The following SHROOM2 variants were observed in gnomAD, a reference collection of about 807,000 sequenced individuals.
SHROOM2 encodes shroom family member 2, also known as protein Shroom2.
Under a neutral mutation model 75.9 loss-of-function variants are expected in SHROOM2, and 33 were observed. The ratio of observed to expected loss-of-function variants is 0.43; its 90% CI spans 0.33 to 0.58. The LOEUF is 0.58. Among genes scored for constraint, SHROOM2 ranks in the 20% least tolerant of loss-of-function variants. The pLI is 0.04. For missense variants in SHROOM2, 1,434 were observed against 1,461.2 expected, an observed-to-expected ratio of 0.98 and a Z score of 0.30; for synonymous variants, 655 against 663.6, an observed-to-expected ratio of 0.99 and a Z score of 0.20.
intron 2 of SHROOM2, chrX:9,874,596 T>A (rs2084187952): frequency 9.0e-6 from 1 of 111,671 alleles, no homozygotes; most frequent in Non-Finnish European, 1.9e-5. Flanking sequence ...ACAAAAATTT[T>A]TTTTTCAAGT....
At chrX:9,878,661 G>C (rs1325409968) in intron 2 of SHROOM2, among the ~76,000 whole-genome samples, 1 of 111,671 alleles carries the variant, frequency 9.0e-6, no homozygotes, top group Non-Finnish European at 1.9e-5. Context: ...CAGATGTTCC[G>C]GGAGCTGCTA....
At position 9,947,042 on chromosome X, in the gene SHROOM2, C is replaced by G; in HGVS notation, c.*105C>G. On this transcript the variant is annotated 3_prime_UTR_variant, in exon 10 of 10. Transcript: ENST00000380913. ...TCTGTGTTCATGGCCTGGAAAGAGA[C>G]TTCTCCCATAGCAAAGAGGCTGTTA... The G allele has an allele frequency of 3.8e-6, 3 of 795,898 alleles. No individual in the cohort carries two copies. Among genetic ancestry groups the G allele is most frequent in the Non-Finnish European group, 5.3e-6 (3 of 566,729 alleles). The allele number at this position is 795,898 out of a possible 1,213,427, so 65.6% of individuals were successfully genotyped here.
At chrX:9,875,853 A>C (rs1161522002) in intron 2 of SHROOM2, among the ~76,000 whole-genome samples, 1 of 112,721 alleles carries the variant, frequency 8.9e-6, no homozygotes, top group Non-Finnish European at 1.9e-5. Context: ...CCATATGTTT[A>C]GAAGCAAGGT....
Position 9,937,636 on chromosome X carries a change from C to T in SHROOM2, c.4090C>T (p.Arg1364Trp), listed in dbSNP as rs1318229593. Residue 1364 changes from arginine (R) to tryptophan (W), a missense_variant, in exon 7 of 10, where the codon CGG becomes TGG. Arg to Trp is a moderately radical substitution (Grantham distance 101). Coordinates refer to ENST00000380913, the MANE Select transcript of SHROOM2 (RefSeq NM_001649.4). ...GCACCTCCTGGAAGAAGCCCAGCAA[C>T]GGAGGAAGCTGCTCCCCAAAATCCC... ...DEHLLEEAQQ[R>W]RKLLPKIPSP... 9.1e-6 allele frequency: 11 copies of T among 1,205,640 alleles called. No individual in the cohort carries two copies. Among genetic ancestry groups the T allele is most frequent in the East Asian group, 5.9e-5 (2 of 33,662 alleles).
rs560117208 is a variant in SHROOM2, at chrX:9,937,144, G to A, written c.3598G>A (p.Val1200Met). ...CTGTTCATCTTCCAGAATTGAGCGG[G>A]TGATGGACAACAACACCACGGTGAA... is the stretch of plus-strand genomic sequence containing the variant. ...QDEDSTRIER[V>M]MDNNTTVKMV... The change falls in exon 7 of 10, where the codon GTG becomes ATG. Residue 1200 changes from valine (V) to methionine (M), a missense_variant. Val to Met is a conservative substitution (Grantham distance 21, BLOSUM62 1). Transcript: ENST00000380913. 163 of 1,192,768 alleles carry A rather than the reference G, an allele frequency of 1.4e-4. 1 individual carries two copies. In the South Asian group the frequency reaches 2.8e-3, roughly 21 times the overall value.
At chrX:9,860,516 T>G (rs2084097817) in intron 1 of SHROOM2, among the ~76,000 whole-genome samples, 1 of 111,386 alleles carries the variant, frequency 9.0e-6, no homozygotes, top group Admixed American at 9.5e-5. Context: ...CTCCACCTCC[T>G]GGGTTCAAGC....
At chrX:9,786,818 GGC>G in intron 1 of SHROOM2, 108 bp downstream of exon 1, 1 of 597,651 alleles carries the variant, frequency 1.7e-6, no homozygotes, top group South Asian at 9.3e-5. Flanking sequence ...CCCCGGGTCT[GGC>G]GCGCGCGTCT....
chrX:9,866,273 G>A (rs1355973913), intron 1 of SHROOM2, among the ~76,000 whole-genome samples: 1 of 108,017 alleles, frequency 9.3e-6, no homozygotes, highest in Non-Finnish European at 1.9e-5. Context: ...TGAAGACGCC[G>A]AGCTCAATAA....
rs545111451 is a variant in SHROOM2, at chrX:9,825,437, C to G, written c.165+38727C>G. 4.4e-5 allele frequency among the ~76,000 whole-genome samples: 5 copies of G among 112,526 alleles called. No homozygotes were observed. In the South Asian group the frequency reaches 1.5e-3, roughly 33 times the overall value. ...TGGGTTTTCACAACATGGTGGGAGT[C>G]TGTTTTGGTATTTTGTTCTATAAAT... is the stretch of plus-strand genomic sequence containing the variant. On this transcript the variant is annotated intron_variant, in intron 1 of 9. Transcript: ENST00000380913.
chrX:9,835,559 T>C (rs1161009284), intron 1 of SHROOM2, among the ~76,000 whole-genome samples: 1 of 112,389 alleles, frequency 8.9e-6, no homozygotes, highest in African/African-American at 3.2e-5. Context: ...TACACCATTG[T>C]ATACCTCAAA....
chrX:9,792,104 TA>T, intron 1 of SHROOM2, among the ~76,000 whole-genome samples: 2 of 17,406 alleles, frequency 1.1e-4, no homozygotes, highest in Admixed American at 1.1e-3. Context: ...TAGAATAGAA[TA>T]GAATAGAATA....
At chrX:9,928,344 C>T (rs1045061839) in intron 5 of SHROOM2, among the ~76,000 whole-genome samples, 6 of 112,520 alleles carry the variant, frequency 5.3e-5, no homozygotes, top group African/African-American at 1.3e-4. Flanking sequence ...CAATTGGATC[C>T]TAGAGTGCAG....
At chrX:9,871,222 G>A (rs1485015797) in intron 1 of SHROOM2, among the ~76,000 whole-genome samples, 1 of 112,169 alleles carries the variant, frequency 8.9e-6, no homozygotes, top group African/African-American at 3.2e-5. Context: ...AATAAGCAAA[G>A]TCAGCCACAT....
chrX:9,947,123 C>T lies in SHROOM2; in HGVS notation c.*186C>T, dbSNP rs2084828582. ...ATGATTTATTTAATTTTTTAGTTTC[C>T]CCTTTGATTGCTGAGAGCCATTTTC... On this transcript the variant is annotated 3_prime_UTR_variant, in exon 10 of 10. Transcript: ENST00000380913. The T allele has an allele frequency of 2.1e-6, 1 of 481,356 alleles. No homozygotes were observed. The allele number at this position is 481,356 out of a possible 1,213,427, so 39.7% of individuals were successfully genotyped here.
intron 5 of SHROOM2, among the ~76,000 whole-genome samples, chrX:9,925,282 C>T (rs778871048): frequency 2.7e-5 from 3 of 112,221 alleles, no homozygotes; most frequent in African/African-American, 9.7e-5. Context: ...GGTGTGCCGG[C>T]TCTTAGCTGC....
chrX:9,893,338 T>C (rs1261926952), intron 3 of SHROOM2, among the ~76,000 whole-genome samples: 1 of 111,702 alleles, frequency 9.0e-6, no homozygotes, highest in Non-Finnish European at 1.9e-5. Context: ...CTCAAACTCC[T>C]GGCCTCAAGT....
chrX:9,902,133 G>A (rs2084368653), intron 5 of SHROOM2, among the ~76,000 whole-genome samples: 1 of 111,157 alleles, frequency 9.0e-6, no homozygotes, highest in South Asian at 3.8e-4. Flanking sequence ...GTAAGTGGAT[G>A]GATGGATAGA....
Position 9,949,408 on chromosome X carries a change from G to C in SHROOM2, c.*2471G>C, listed in dbSNP as rs1482840047. ...CACCTATCAACAGATCATCCTGCTT[G>C]ACTGTAACAAAATAAATAGTGTCTC... On this transcript the variant is annotated 3_prime_UTR_variant, in exon 10 of 10. Transcript: ENST00000380913. 1 of 328,847 alleles carries C rather than the reference G, an allele frequency of 3.0e-6. No individual in the cohort carries two copies. Among genetic ancestry groups the C allele is most frequent in the Non-Finnish European group, 5.9e-6 (1 of 169,828 alleles). The allele number at this position is 328,847 out of a possible 1,213,427, so 27.1% of individuals were successfully genotyped here. A position where few individuals can be genotyped will look rare whatever the true frequency, so the allele number is the denominator to read the frequency against.
chrX:9,823,749 C>CTTTTTTT (rs2083872943), intron 1 of SHROOM2, among the ~76,000 whole-genome samples: 1 of 64,767 alleles, frequency 1.5e-5, no homozygotes. Context: ...TTTCTTTTTT[C>CTTTTTTT]TTTTTTCTTT....
Sources: allele counts gnomAD v4.1 joint callset (sites outside exome capture counted in the v4.1 genomes callset), GRCh38; gene constraint gnomAD v4.1.1; transcripts MANE v1.5; gene names NCBI Gene and HGNC (gene_info 2026-07-23, HGNC 2026-07-21).